The following H2BW1 variants were observed in gnomAD, a reference collection of about 807,000 sequenced individuals.
H2BW1 encodes the protein histone H2B type W-T.
H2BW1 carries 9 observed loss-of-function variants against 8.0 expected under a neutral mutation model. The ratio of observed to expected loss-of-function variants is 1.13; its 90% CI spans 0.68 to 1.97. The LOEUF (loss-of-function observed/expected upper bound fraction) is 1.97, where lower values mean the gene tolerates loss of function less well. Among genes scored for constraint, H2BW1 ranks in the 30% most tolerant of loss-of-function variants. The pLI is 0.00. For missense variants in H2BW1, 137 were observed against 132.0 expected (o/e 1.04, Z -0.19); for synonymous variants, 58 against 54.7 (o/e 1.06, Z -0.26).
intron 2 of H2BW1, 43 bp downstream of exon 2, chrX:104,012,647 G>A: frequency 1.7e-6 from 2 of 1,208,089 alleles, no homozygotes. Flanking sequence ...TATTTACATG[G>A]ATTCGTGATG....
Position 104,012,758 on chromosome X carries a change from T to C in H2BW1, c.408-10A>G, listed in dbSNP as rs782325496. ...GGCATACAGTGAAGTTCTGGAAAAT[T>C]CCACCATCCAGTCACAGGAGAATGA... On this transcript the variant is annotated splice_polypyrimidine_tract_variant and intron_variant, in intron 1 of 2. Coordinates refer to ENST00000217926, the MANE Select transcript of H2BW1 (RefSeq NM_001002916.5). 1.2e-5 allele frequency: 15 copies of C among 1,209,888 alleles called. No homozygotes were observed. The South Asian group carries it at 1.8e-4, about 14-fold the overall frequency.
Position 104,013,529 on chromosome X carries a change from G to A in H2BW1, c.48C>T (p.Thr16=). 8.2e-7 allele frequency: 1 copy of A among 1,212,174 alleles called. No individual in the cohort carries two copies. The part of the protein sequence containing the change: ...SETTSEEQLI[T]QEPKEANSTT... ...TGGAGTTGGCCTCTTTGGGCTCCTG[G>A]GTGATCAGCTGTTCCTCAGAGGTCG... Residue 16 remains threonine, a synonymous_variant, in exon 1 of 3, where the codon ACC becomes ACT. Coordinates refer to ENST00000217926, the MANE Select transcript of H2BW1 (RefSeq NM_001002916.5).
chrX:104,013,613 A>C lies in H2BW1; in HGVS notation c.-37T>G. 1 of 1,210,435 alleles carries C rather than the reference A, an allele frequency of 8.3e-7. No individual in the cohort carries two copies. Among genetic ancestry groups the C allele is most frequent in the South Asian group, 1.8e-5 (1 of 56,624 alleles). ...TGGCCATTAGATGGCACGACCAGAC[A>C]ATGGCGGTTGTGGACCGGGGAAGCC... On this transcript the variant is annotated 5_prime_UTR_variant, in exon 1 of 3. It adds an upstream start codon to the 5' untranslated region. Coordinates refer to ENST00000217926, the MANE Select transcript of H2BW1 (RefSeq NM_001002916.5).
rs1435787745 is a variant in H2BW1 at position 104,013,620 on chromosome X, GT to G, written c.-45del. Reference sequence around the variant, plus strand: ...TAGATGGCACGACCAGACAATGGCGGTTGTGGACCGGGGAAGCCGGGGCACT... The same window carrying G: ...TAGATGGCACGACCAGACAATGGCGGTGTGGACCGGGGAAGCCGGGGCACT... On this transcript the variant is annotated 5_prime_UTR_variant, in exon 1 of 3. The change creates a premature stop within an existing upstream ORF in the 5' untranslated region. Coordinates refer to ENST00000217926, the MANE Select transcript of H2BW1 (RefSeq NM_001002916.5). 1 of 1,207,825 alleles carries G rather than the reference GT, an allele frequency of 8.3e-7. No individual in the cohort carries two copies. Among genetic ancestry groups the G allele is most frequent in the East Asian group, 3.0e-5 (1 of 33,679 alleles).
chrX:104,013,603 AC>A lies in H2BW1; in HGVS notation c.-28del. ...GCGGAGGCAGTGGCCATTAGATGGCACGACCAGACAATGGCGGTTGTGGACC... is the reference window on the plus strand; with the variant it reads ...GCGGAGGCAGTGGCCATTAGATGGCAGACCAGACAATGGCGGTTGTGGACC... On this transcript the variant is annotated 5_prime_UTR_variant, in exon 1 of 3. The change creates a premature stop within an existing upstream ORF in the 5' untranslated region. Coordinates refer to ENST00000217926, the MANE Select transcript of H2BW1 (RefSeq NM_001002916.5). The A allele has an allele frequency of 8.3e-7, 1 of 1,211,165 alleles. No individual in the cohort carries two copies. Among genetic ancestry groups the A allele is most frequent in the Non-Finnish European group, 1.1e-6 (1 of 895,131 alleles).
chrX:104,012,888 C>T (rs2075129984), intron 1 of H2BW1, 140 bp from the exon 2 acceptor site: 11 of 980,488 alleles, frequency 1.1e-5, no homozygotes, highest in South Asian at 9.3e-5. Flanking sequence ...AAATGAAACA[C>T]GATCACGGAA....
Position 104,013,283 on chromosome X carries a change from G to A in H2BW1, c.294C>T (p.Arg98=). The change falls in exon 1 of 3, where the codon CGC becomes CGT. Residue 98 remains arginine (R), a synonymous_variant. Coordinates refer to ENST00000217926, the MANE Select transcript of H2BW1 (RefSeq NM_001002916.5). ...CAGTGATGGTCTGGCGCTTGGTGGA[G>A]CGGGCCAGGTGACCAGCCTCGGTGG... is the stretch of plus-strand genomic sequence containing the variant. ...RIATEAGHLA[R]STKRQTITAW... 6 of 1,212,209 alleles carry A rather than the reference G, an allele frequency of 4.9e-6. No homozygotes were observed. The highest frequency in any genetic ancestry group is 6.7e-6 in the Non-Finnish European group (6 of 895,662).
Position 104,013,425 on chromosome X carries a change from TC to T in H2BW1, c.151del (p.Asp51ThrfsTer11). 2.5e-6 allele frequency: 3 copies of T among 1,212,113 alleles called. No individual in the cohort carries two copies. The South Asian group carries it at 5.3e-5, about 21-fold the overall frequency. ...PRRCHSNCRG[D>X]SFATYFRRVL... is the part of the protein sequence containing the mutation. ...CCGGCGGAAATAGGTGGCGAAGCTG[TC>T]CCCGCGGCAGTTGGAGTGGCACCTG... On this transcript the variant is annotated frameshift_variant, in exon 1 of 3. Coordinates refer to ENST00000217926, the MANE Select transcript of H2BW1 (RefSeq NM_001002916.5). LOFTEE classifies it high-confidence loss of function.
At chrX:104,012,857 T>C in intron 1 of H2BW1, 109 bp from the exon 2 acceptor site, 1 of 1,115,400 alleles carries the variant, frequency 9.0e-7, no homozygotes, top group Non-Finnish European at 1.2e-6. Context: ...CTAACAAAAA[T>C]GACCGTTTAC....
chrX:104,012,737 T>C lies in H2BW1; in HGVS notation c.419A>G (p.Tyr140Cys). 8.3e-7 allele frequency: 1 copy of C among 1,211,734 alleles called. No individual in the cohort carries two copies. The highest frequency in any genetic ancestry group is 2.3e-4 in the Middle Eastern group (1 of 4,355). ...GTKAVLRTSL[Y>C]AIQQQRK The stretch of plus-strand genomic sequence containing the variant: ...TCACTTTCTCTGTTGCTGTATGGCA[T>C]ACAGTGAAGTTCTGGAAAATTCCAC... The change falls in exon 2 of 3, where the codon TAT (tyrosine) becomes TGT (cysteine). Residue 140 changes from tyrosine (Y) to cysteine (C), a missense_variant. Transcript: ENST00000217926.
At chrX:104,013,031 C>G in intron 1 of H2BW1, 139 bp downstream of exon 1, 1 of 933,761 alleles carries the variant, frequency 1.1e-6, no homozygotes, top group Non-Finnish European at 1.5e-6. Context: ...CGGAAGGGCA[C>G]CACCCACCCC....
rs187574079 is a variant in H2BW1, at chrX:104,013,075, G to C, written c.407+95C>G. 8.6e-3 allele frequency: 9,422 copies of C among 1,101,254 alleles called. 29 individuals are homozygous for C. The highest frequency in any genetic ancestry group is 0.01 in the Non-Finnish European group (8,685 of 829,056). 90.8% of individuals were successfully genotyped at this position (1,101,254 alleles called of 1,213,427 possible). A position where few individuals can be genotyped will look rare whatever the true frequency, so the allele number is the denominator to read the frequency against. On this transcript the variant is annotated intron_variant, in intron 1 of 2. Coordinates refer to ENST00000217926, the MANE Select transcript of H2BW1 (RefSeq NM_001002916.5). ...GTGGTGTCCCCCTTGGCGAGCCACTGGTCTTTCAGGCCACATTCAGTGGCT... is the reference window on the plus strand; with the variant it reads ...GTGGTGTCCCCCTTGGCGAGCCACTCGTCTTTCAGGCCACATTCAGTGGCT...
chrX:104,013,495 G>C lies in H2BW1; in HGVS notation c.82C>G (p.Gln28Glu). 1 of 1,211,884 alleles carries C rather than the reference G, an allele frequency of 8.3e-7. No homozygotes were observed. Among genetic ancestry groups the C allele is most frequent in the Non-Finnish European group, 1.1e-6 (1 of 895,509 alleles). Reference sequence around the variant, plus strand: ...CGCTTCCTCTGCTTGCTCTGCTTCTGGGACGTAGTGGAGTTGGCCTCTTTG... The same window carrying C: ...CGCTTCCTCTGCTTGCTCTGCTTCTCGGACGTAGTGGAGTTGGCCTCTTTG... Reference protein sequence around the residue: ...EPKEANSTTSQKQSKQRKRGR... With the variant: ...EPKEANSTTSEKQSKQRKRGR... The change falls in exon 1 of 3, where the codon CAG becomes GAG. Residue 28 changes from glutamine to glutamate, a missense_variant. Physicochemically the swap from Gln to Glu is conservative, Grantham distance 29. Coordinates refer to ENST00000217926, the MANE Select transcript of H2BW1 (RefSeq NM_001002916.5).
chrX:104,013,250 C>A lies in H2BW1; in HGVS notation c.327G>T (p.Glu109Asp), dbSNP rs782511913. The A allele has an allele frequency of 8.2e-7, 1 of 1,212,170 alleles. No individual in the cohort carries two copies. Residue 109 changes from glutamate (E) to aspartate (D), a missense_variant, in exon 1 of 3, where the codon GAG (glutamate) becomes GAT (aspartate). By Grantham distance (45) the Glu-to-Asp change is conservative. Transcript: ENST00000217926. ...GCAGCAGGCGCACAGCCATCCGGGT[C>A]TCCCAGGCAGTGATGGTCTGGCGCT... ...STKRQTITAW[E>D]TRMAVRLLLP...
intron 2 of H2BW1, among the ~76,000 whole-genome samples, chrX:104,011,848 C>T (rs1320113167): frequency 1.8e-5 from 2 of 111,854 alleles, no homozygotes; most frequent in Non-Finnish European, 3.8e-5. Context: ...TCACGGGAAA[C>T]ATTTGACAAA....
chrX:104,012,657 G>T (rs202101210), intron 2 of H2BW1, 33 bp downstream of exon 2: 150 of 1,207,701 alleles, frequency 1.2e-4, no homozygotes, highest in Non-Finnish European at 1.6e-4. Context: ...GATTCGTGAT[G>T]GGAGCGGTGT....
Position 104,013,355 on chromosome X carries a change from G to A in H2BW1, c.222C>T (p.Ala74=), listed in dbSNP as rs1234537985. ...GAACCAAAGAATCCATGACACTCAC[G>A]GCCTCCCGGGAAAGGCTGAGGCCCT... is the stretch of plus-strand genomic sequence containing the variant. ...VHQGLSLSRE[A]VSVMDSLVHD... Residue 74 remains alanine (A), a synonymous_variant, in exon 1 of 3, where the codon GCC becomes GCT. Transcript: ENST00000217926. The A allele has an allele frequency of 2.7e-5, 33 of 1,210,756 alleles. No homozygotes were observed. The highest frequency in any genetic ancestry group is 3.5e-5 in the Non-Finnish European group (31 of 895,423).
chrX:104,011,466 G>A lies in H2BW1; in HGVS notation c.*23-3C>T, dbSNP rs2075126461. The A allele has an allele frequency of 8.9e-6, 1 of 111,805 alleles. No individual in the cohort carries two copies. The highest frequency in any genetic ancestry group is 3.3e-5 in the African/African-American group (1 of 30,701). 9.2% of individuals were successfully genotyped at this position (111,805 alleles called of 1,213,427 possible). A position where few individuals can be genotyped will look rare whatever the true frequency, so the allele number is the denominator to read the frequency against. On this transcript the variant is annotated splice_polypyrimidine_tract_variant and splice_region_variant and intron_variant, in intron 2 of 2. Transcript: ENST00000217926. ...TTTCATGACATTTTTCTAATATTCT[G>A]CAAAAACAGAAAGTAGCAAATCCCA...
In H2BW1 at chrX:104,013,161, C is replaced by T; in HGVS notation, c.407+9G>A. On this transcript the variant is annotated intron_variant, in intron 1 of 2. Coordinates refer to ENST00000217926, the MANE Select transcript of H2BW1 (RefSeq NM_001002916.5). ...TGCTCCTGAGGGAGCGCACTTGCTC[C>T]TGGTGTACCTGAGGACAGCCTTCGT... 8.4e-7 allele frequency: 1 copy of T among 1,194,302 alleles called. No individual in the cohort carries two copies. Among genetic ancestry groups the T allele is most frequent in the South Asian group, 1.9e-5 (1 of 53,661 alleles).
Sources: allele counts gnomAD v4.1 joint callset (sites outside exome capture counted in the v4.1 genomes callset), GRCh38; gene constraint gnomAD v4.1.1; transcripts MANE v1.5; gene names NCBI Gene and HGNC (gene_info 2026-07-23, HGNC 2026-07-21).